The following TRPV4 variants were observed in gnomAD, a reference collection of about 807,000 sequenced individuals.
TRPV4 encodes OSM9-like transient receptor potential channel 4.
In TRPV4, 58 loss-of-function variants were observed where a neutral mutation model predicts 84.1. The ratio of observed to expected loss-of-function variants is 0.69; its 90% confidence interval spans 0.56 to 0.86. The LOEUF (loss-of-function observed/expected upper bound fraction) is 0.86, where lower values mean the gene tolerates loss of function less well. Ranked by LOEUF, TRPV4 falls within the 40% of genes least tolerant of loss-of-function variation. The probability of loss-of-function intolerance (pLI) is 0.00; values close to 1 mark genes in which losing one functional copy is unlikely to be tolerated. For synonymous variants in TRPV4, 489 were observed against 500.9 expected, an observed-to-expected ratio of 0.98 and a Z score of 0.32; for missense variants, 879 against 1,181.1, an observed-to-expected ratio of 0.74 and a Z score of 3.75.
At chr12:109,829,571 G>A (rs1376895527) in intron 1 of TRPV4, among the ~76,000 whole-genome samples, 1 of 152,244 alleles carries the variant, frequency 6.6e-6, no homozygotes, top group Admixed American at 6.5e-5. Flanking sequence ...TGGGGGATAA[G>A]CTGGAAGAAA....
chr12:109,808,422 T>TG lies in TRPV4; in HGVS notation c.432dup (p.Ile145HisfsTer12). The TG allele has an allele frequency of 2.5e-6, 4 of 1,613,730 alleles. No individual in the cohort carries two copies. The South Asian group carries it at 4.4e-5, about 18-fold the overall frequency. On this transcript the variant is annotated frameshift_variant, in exon 3 of 16. Transcript: ENST00000261740. LOFTEE classifies it high-confidence loss of function. ...ATAGGCCGGTTGAAGACTTTGAGGA[T>TG]GGGGGGCGGCTGAGGGGCAGGGGCT...
Position 109,815,835 on chromosome 12 carries a change from C to T in TRPV4, c.-31-1008G>A, listed in dbSNP as rs1891815097. 6.6e-6 allele frequency among the ~76,000 whole-genome samples: 1 copy of T among 152,254 alleles called. No individual in the cohort carries two copies. Among genetic ancestry groups the T allele is most frequent in the Non-Finnish European group, 1.5e-5 (1 of 68,038 alleles). On this transcript the variant is annotated intron_variant, in intron 1 of 15. Coordinates refer to ENST00000261740, the MANE Select transcript of TRPV4 (RefSeq NM_021625.5). The surrounding 1 kb of genome is among the most constrained non-coding windows in gnomAD (Gnocchi z 4.1). ...CAGATGAGGAAGCAGCTTTCAAAGG[C>T]AGCAAACAGCTTGCAGGAAGAAGAG...
chr12:109,805,361 T>A (rs546915678), intron 3 of TRPV4, among the ~76,000 whole-genome samples: 2 of 152,266 alleles, frequency 1.3e-5, no homozygotes, highest in African/African-American at 4.8e-5. Flanking sequence ...CAGACACAGG[T>A]TATAGACCCA....
chr12:109,812,064 A>C (rs1461157271), intron 2 of TRPV4, among the ~76,000 whole-genome samples: 1 of 152,212 alleles, frequency 6.6e-6, no homozygotes, highest in African/African-American at 2.4e-5. Context: ...GGCTTCCTAA[A>C]GGACCAGGAG....
rs375908611 is a variant in TRPV4 at position 109,793,918 on chromosome 12, C to A, written c.1584+12G>T. 2.6e-5 allele frequency: 42 copies of A among 1,600,208 alleles called. No individual in the cohort carries two copies. The African/African-American group carries it at 5.2e-4, about 20-fold the overall frequency. The stretch of plus-strand genomic sequence containing the variant: ...GCAGGCAGGGTGGGGGGCACGGGGG[C>A]CAGGCACTTACGTTGGTGAAGAAGA... On this transcript the variant is annotated intron_variant, in intron 9 of 15. Coordinates refer to ENST00000261740, the MANE Select transcript of TRPV4 (RefSeq NM_021625.5). This position sits in a 1 kb window ranked among gnomAD's most constrained non-coding sequence, Gnocchi z 4.0.
rs1483971495 is a variant in TRPV4 at position 109,802,350 on chromosome 12, G to A, written c.712+641C>T. On this transcript the variant is annotated intron_variant, in intron 4 of 15. Transcript: ENST00000261740. Reference sequence around the variant, plus strand: ...GAGTCTTGCTCTTGTTGCCCAAGCTGGAGTGCAATGGCGCGATATTGGCTC... The same window carrying A: ...GAGTCTTGCTCTTGTTGCCCAAGCTAGAGTGCAATGGCGCGATATTGGCTC... Among the ~76,000 whole-genome samples the A allele has an allele frequency of 2.0e-5, 3 of 148,958 alleles. 1 individual carries two copies. The highest frequency in any genetic ancestry group is 1.5e-5 in the Non-Finnish European group (1 of 67,592).
chr12:109,795,640 G>C (rs1471745403), intron 7 of TRPV4, among the ~76,000 whole-genome samples: 1 of 152,154 alleles, frequency 6.6e-6, no homozygotes, highest in Non-Finnish European at 1.5e-5. Context: ...TTTGAATATG[G>C]TATGTTTACA....
rs143762791 is a variant in TRPV4, at chr12:109,784,556, G to A, written c.2337-119C>T. 5,716 of 1,486,516 alleles carry A rather than the reference G, an allele frequency of 3.8e-3. 162 individuals are homozygous for A. In the African/African-American group the frequency reaches 0.067, roughly 17 times the overall value. 92.1% of individuals were successfully genotyped at this position (1,486,516 alleles called of 1,614,324 possible). A position where few individuals can be genotyped will look rare whatever the true frequency, so the allele number is the denominator to read the frequency against. On this transcript the variant is annotated intron_variant, in intron 14 of 15. Transcript: ENST00000261740. ...TAACATATACATAACAAGGCTGGGC[G>A]TGGTGGCTCATGCCTGCAATCCCAG...
At chr12:109,827,973 G>A (rs557744358) in intron 1 of TRPV4, among the ~76,000 whole-genome samples, 1 of 152,214 alleles carries the variant, frequency 6.6e-6, no homozygotes, top group East Asian at 1.9e-4. Flanking sequence ...GGTCCCAGAA[G>A]GTGGCCAGCC....
At position 109,793,584 on chromosome 12, in the gene TRPV4, A is replaced by T. The variant is rs775011025; in HGVS notation, c.1601T>A (p.Met534Lys). Reference sequence around the variant, plus strand: ...AGAATTCACTCCAGGGCATTTCTTCATGAACAAGTCTTTGATCTGGAAGAC... The same window carrying T: ...AGAATTCACTCCAGGGCATTTCTTCTTGAACAAGTCTTTGATCTGGAAGAC... ...FFFTNIKDLF[M>K]KKCPGVNSLF... is the part of the protein sequence containing the mutation. Residue 534 changes from methionine to lysine, a missense_variant, in exon 10 of 16, where the codon ATG becomes AAG. Met to Lys is a moderately conservative substitution (Grantham distance 95). Coordinates refer to ENST00000261740, the MANE Select transcript of TRPV4 (RefSeq NM_021625.5). The surrounding 1 kb of genome is among the most constrained non-coding windows in gnomAD (Gnocchi z 4.0). 1.2e-6 allele frequency: 2 copies of T among 1,614,066 alleles called. No homozygotes were observed. The highest frequency in any genetic ancestry group is 1.7e-6 in the Non-Finnish European group (2 of 1,179,958).
chr12:109,827,570 C>T (rs1337362176), intron 1 of TRPV4, among the ~76,000 whole-genome samples: 1 of 151,858 alleles, frequency 6.6e-6, no homozygotes, highest in Non-Finnish European at 1.5e-5. Context: ...CACACACACA[C>T]ACTACACACA....
rs532316423 is a variant in TRPV4 at position 109,784,302 on chromosome 12, G to A, written c.2458+14C>T. The stretch of plus-strand genomic sequence containing the variant: ...TGGACTGGGGCTCCCCTCCGCACCC[G>A]CCCCTCCACTCACCCCTGCGGAGGC... On this transcript the variant is annotated intron_variant, in intron 15 of 15. Transcript: ENST00000261740. 19 of 1,613,994 alleles carry A rather than the reference G, an allele frequency of 1.2e-5. No homozygotes were observed. Among genetic ancestry groups the A allele is most frequent in the East Asian group, 8.9e-5 (4 of 44,876 alleles).
intron 1 of TRPV4, among the ~76,000 whole-genome samples, chr12:109,828,452 G>T (rs1024416573): frequency 2.6e-5 from 4 of 152,212 alleles, no homozygotes; most frequent in Non-Finnish European, 4.4e-5. Context: ...CGGCCACTGG[G>T]GTGCCAGCTC....
chr12:109,793,418 G>T lies in TRPV4; in HGVS notation c.1658+109C>A. ...ACTTTGGGTTAGAGCTGCCCAGGTTGGGTGCATTCATTTCTAACAGAATCA... is the reference window on the plus strand; with the variant it reads ...ACTTTGGGTTAGAGCTGCCCAGGTTTGGTGCATTCATTTCTAACAGAATCA... On this transcript the variant is annotated intron_variant, in intron 10 of 15. Transcript: ENST00000261740. The surrounding 1 kb of genome is among the most constrained non-coding windows in gnomAD (Gnocchi z 4.0). 1.1e-6 allele frequency: 1 copy of T among 942,798 alleles called. No homozygotes were observed. The highest frequency in any genetic ancestry group is 1.8e-6 in the Non-Finnish European group (1 of 571,292). The allele number at this position is 942,798 out of a possible 1,614,324, so 58.4% of individuals were successfully genotyped here.
At chr12:109,805,825 G>A (rs939222795) in intron 3 of TRPV4, among the ~76,000 whole-genome samples, 9 of 152,142 alleles carry the variant, frequency 5.9e-5, no homozygotes, top group Non-Finnish European at 1.2e-4. Context: ...CTCATGCACA[G>A]ACACACATGC....
At chr12:109,820,780 C>T (rs1892069668) in intron 1 of TRPV4, among the ~76,000 whole-genome samples, 1 of 152,122 alleles carries the variant, frequency 6.6e-6, no homozygotes, top group Non-Finnish European at 1.5e-5. Flanking sequence ...GCCTCAGCCT[C>T]CCAAAGTGCT....
chr12:109,792,619 C>G (rs759551200), intron 11 of TRPV4, 33 bp downstream of exon 11: 2 of 1,613,748 alleles, frequency 1.2e-6, no homozygotes, highest in African/African-American at 2.7e-5. Flanking sequence ...CCTCCAGGAA[C>G]ACACGAGTCC....
chr12:109,799,408 C>CA (rs1259374640), intron 5 of TRPV4, among the ~76,000 whole-genome samples: 2 of 152,236 alleles, frequency 1.3e-5, no homozygotes, highest in Admixed American at 1.3e-4. Flanking sequence ...CTCGGCCTCC[C>CA]AAAGTGCTGG....
chr12:109,822,487 C>G (rs1044666051), intron 1 of TRPV4, among the ~76,000 whole-genome samples: 5 of 152,190 alleles, frequency 3.3e-5, no homozygotes, highest in Non-Finnish European at 7.4e-5. Context: ...GACCTGTCCA[C>G]CCCCTCCCCA....
Sources: gnomAD v4.1 joint callset for allele counts (sites outside exome capture counted in the v4.1 genomes callset) on GRCh38, gnomAD v4.1.1 for gene constraint, Gnocchi (gnomAD v3.1) non-coding constraint, MANE v1.5 for transcripts, NCBI Gene and HGNC (gene_info 2026-07-23, HGNC 2026-07-21) for gene names.